CHODL: variants seen among roughly 807,000 people sequenced by gnomAD.
CHODL encodes the protein chondrolectin.
Under a neutral mutation model 34.5 loss-of-function variants are expected in CHODL, and 29 were observed. The observed-to-expected ratio is 0.84, with a 90% confidence interval of 0.63 to 1.15. The LOEUF is 1.15. Among genes scored for constraint, CHODL ranks in the 50% most tolerant of loss-of-function variants. The pLI is 0.00. For synonymous variants in CHODL, 125 were observed against 116.1 expected (o/e 1.08, Z -0.49); for missense variants, 332 against 332.5 (o/e 1.00, Z 0.01).
chr21:17,924,186 A>T (rs1272282312), intron 1 of CHODL, among the ~76,000 whole-genome samples: 1 of 152,214 alleles, frequency 6.6e-6, no homozygotes, highest in Non-Finnish European at 1.5e-5. Context: ...GAATAAAAGT[A>T]GCATTTCCTG....
At chr21:18,102,305 T>G (rs1280371503) in intron 2 of CHODL, among the ~76,000 whole-genome samples, 1 of 152,200 alleles carries the variant, frequency 6.6e-6, no homozygotes, top group Admixed American at 6.5e-5. Flanking sequence ...TCCTTTAACC[T>G]GAATACTTTC....
chr21:18,245,157 G>C lies in CHODL; in HGVS notation c.-67G>C, dbSNP rs879160236. On this transcript the variant is annotated 5_prime_UTR_variant, in exon 1 of 6. Coordinates refer to ENST00000299295, the MANE Select transcript of CHODL (RefSeq NM_024944.3). Reference sequence around the variant, plus strand: ...GCAGGGAGGCTGCAGAGTCAGAGTCGCGGGCTGCGCCCTGGGCAGAGGCCG... The same window carrying C: ...GCAGGGAGGCTGCAGAGTCAGAGTCCCGGGCTGCGCCCTGGGCAGAGGCCG... 29 of 1,342,196 alleles carry C rather than the reference G, an allele frequency of 2.2e-5. No individual in the cohort carries two copies. In the South Asian group the frequency reaches 4.0e-4, roughly 19 times the overall value. 83.1% of individuals were successfully genotyped at this position (1,342,196 alleles called of 1,614,324 possible). A position where few individuals can be genotyped will look rare whatever the true frequency, so the allele number is the denominator to read the frequency against.
At chr21:18,051,545 T>C (rs1421062425) in intron 2 of CHODL, among the ~76,000 whole-genome samples, 4 of 151,886 alleles carry the variant, frequency 2.6e-5, no homozygotes, top group Non-Finnish European at 5.9e-5. Context: ...TGTGAAGTTA[T>C]TTGAAACTGA....
At chr21:18,131,766 T>TG (rs1469809249) in intron 2 of CHODL, among the ~76,000 whole-genome samples, 4 of 152,180 alleles carry the variant, frequency 2.6e-5, no homozygotes, top group African/African-American at 9.6e-5. Flanking sequence ...GTTTTCAGTC[T>TG]GATCCATGTT....
At chr21:18,136,767 T>TAC (rs796570462) in intron 2 of CHODL, among the ~76,000 whole-genome samples, 2 of 142,978 alleles carry the variant, frequency 1.4e-5, no homozygotes, top group African/African-American at 5.0e-5. Context: ...TACACATACA[T>TAC]ACACACACAT....
At chr21:18,194,615 A>C (rs538335364) in intron 2 of CHODL, among the ~76,000 whole-genome samples, 119 of 152,290 alleles carry the variant, frequency 7.8e-4, no homozygotes, top group African/African-American at 2.6e-3. Context: ...AAAAAAAAAA[A>C]AAAACTAATG....
chr21:18,184,419 T>A (rs2073416353), intron 2 of CHODL, among the ~76,000 whole-genome samples: 1 of 152,210 alleles, frequency 6.6e-6, no homozygotes, highest in South Asian at 2.1e-4. Context: ...AAAATGCTTA[T>A]ATTATTAATA....
In CHODL at chr21:18,180,360, G is replaced by A. The variant is rs28502778; in HGVS notation, c.-44-76149G>A. Among the ~76,000 whole-genome samples, 317 of 152,192 alleles carry A rather than the reference G, an allele frequency of 2.1e-3. 1 individual carries two copies. The highest frequency in any genetic ancestry group is 7.1e-3 in the African/African-American group (296 of 41,532). ...GGGGTCCACTATGTTGCCCAGGATG[G>A]ACTCAAACACGTGGGCTCAAGCAAT... is the stretch of plus-strand genomic sequence containing the variant. On this transcript the variant is annotated intron_variant, in intron 2 of 6. Transcript: ENST00000400127.
intron 2 of CHODL, among the ~76,000 whole-genome samples, chr21:18,069,626 C>T (rs977815949): frequency 6.6e-6 from 1 of 151,816 alleles, no homozygotes; most frequent in East Asian, 1.9e-4. Context: ...TTGGGAACTG[C>T]TATTCTATAT....
chr21:17,989,259 C>G (rs909785497), intron 1 of CHODL, among the ~76,000 whole-genome samples: 2 of 152,144 alleles, frequency 1.3e-5, no homozygotes, highest in African/African-American at 2.4e-5. Flanking sequence ...CATCCTGGCT[C>G]TCTTTGAGTC....
intron 2 of CHODL, among the ~76,000 whole-genome samples, chr21:18,130,299 T>A (rs905014361): frequency 2.0e-5 from 3 of 152,218 alleles, no homozygotes; most frequent in African/African-American, 7.2e-5. Flanking sequence ...AAATAAGAAG[T>A]GCTCAATGAA....
At chr21:18,080,244 G>C (rs1309815777) in intron 2 of CHODL, among the ~76,000 whole-genome samples, 1 of 151,900 alleles carries the variant, frequency 6.6e-6, no homozygotes, top group Non-Finnish European at 1.5e-5. Context: ...GCCCTTTGTT[G>C]GACGCATAGT....
intron 1 of CHODL, among the ~76,000 whole-genome samples, chr21:17,936,985 A>C (rs2063324498): frequency 6.6e-6 from 1 of 151,662 alleles, no homozygotes; most frequent in Non-Finnish European, 1.5e-5. Context: ...GAGGCAGGAG[A>C]ATCACTTGAA....
chr21:18,012,807 G>A (rs562260433), intron 1 of CHODL, among the ~76,000 whole-genome samples: 14 of 152,186 alleles, frequency 9.2e-5, no homozygotes, highest in African/African-American at 3.4e-4. Context: ...TGAAATATAT[G>A]GTGAAAATAC....
chr21:18,262,439 A>G (rs59355295), intron 4 of CHODL, among the ~76,000 whole-genome samples: 2,554 of 152,250 alleles, frequency 0.017, 72 homozygotes, highest in African/African-American at 0.058. Flanking sequence ...TACTATACTG[A>G]ATGCTGTAGA....
intron 2 of CHODL, among the ~76,000 whole-genome samples, chr21:18,093,837 A>G (rs2146533342): frequency 6.6e-6 from 1 of 152,252 alleles, no homozygotes; most frequent in South Asian, 2.1e-4. Flanking sequence ...CGACTGGGAA[A>G]CAACCTGAAA....
intron 1 of CHODL, among the ~76,000 whole-genome samples, chr21:17,982,981 T>C (rs1185754014): frequency 6.6e-6 from 1 of 152,174 alleles, no homozygotes; most frequent in Non-Finnish European, 1.5e-5. Flanking sequence ...CACCTTGGCT[T>C]CCCAAACTTC....
At chr21:18,261,873 C>T (rs58902928) in intron 4 of CHODL, among the ~76,000 whole-genome samples, 2,559 of 151,920 alleles carry the variant, frequency 0.017, 73 homozygotes, top group African/African-American at 0.058. Context: ...GTCTTTGTGC[C>T]GCTGGAGTCT....
At chr21:17,925,211 C>G (rs1311032338) in intron 1 of CHODL, among the ~76,000 whole-genome samples, 1 of 152,178 alleles carries the variant, frequency 6.6e-6, no homozygotes, top group Non-Finnish European at 1.5e-5. Context: ...CTAGTGGTCA[C>G]TCTAGTACCA....
Sources: gnomAD v4.1 joint callset for allele counts (sites outside exome capture counted in the v4.1 genomes callset) on GRCh38, gnomAD v4.1.1 for gene constraint, MANE v1.5 for transcripts, NCBI Gene and HGNC (gene_info 2026-07-23, HGNC 2026-07-21) for gene names.